PARD3B: variants seen among roughly 807,000 people sequenced by gnomAD.
The protein encoded by PARD3B is partitioning defective 3 homolog B.
Under a neutral mutation model 130.2 loss-of-function variants are expected in PARD3B, and 103 were observed. The observed-to-expected ratio is 0.79, with a 90% CI of 0.67 to 0.93. The LOEUF is 0.93. Among genes scored for constraint, PARD3B ranks in the 40% least tolerant of loss-of-function variants. The pLI is 0.00. For synonymous variants in PARD3B, 583 were observed against 553.2 expected, an observed-to-expected ratio of 1.05 and a Z score of -0.76; for missense variants, 1,609 against 1,499.2, an observed-to-expected ratio of 1.07 and a Z score of -1.21.
intron 7 of PARD3B, among the ~76,000 whole-genome samples, chr2:205,119,334 G>A (rs1366450870): frequency 1.3e-5 from 2 of 152,002 alleles, no homozygotes; most frequent in Admixed American, 1.3e-4. Context: ...TGGGCTATGG[G>A]TCACTTAAAC....
chr2:204,668,534 G>A (rs17534724), intron 1 of PARD3B, among the ~76,000 whole-genome samples: 5,286 of 152,194 alleles, frequency 0.035, 140 homozygotes, highest in Non-Finnish European at 0.055. Flanking sequence ...AAAAGTTTCC[G>A]AAGATATGTT....
At chr2:204,668,725 A>G (rs999262917) in intron 1 of PARD3B, among the ~76,000 whole-genome samples, 1 of 152,196 alleles carries the variant, frequency 6.6e-6, no homozygotes, top group East Asian at 1.9e-4. Flanking sequence ...GAGTAACACC[A>G]TCTGAAAGAT....
At chr2:205,462,816 C>A (rs142404485) in intron 20 of PARD3B, among the ~76,000 whole-genome samples, 1 of 152,272 alleles carries the variant, frequency 6.6e-6, no homozygotes, top group Non-Finnish European at 1.5e-5. Flanking sequence ...ATTGCAGACT[C>A]TTAGTCTAGT....
In PARD3B at chr2:205,400,997, C is replaced by T; in HGVS notation, c.2631-16C>T. 6.4e-7 allele frequency: 1 copy of T among 1,560,778 alleles called. No individual in the cohort carries two copies. The highest frequency in any genetic ancestry group is 1.7e-4 in the Middle Eastern group (1 of 5,990). On this transcript the variant is annotated splice_polypyrimidine_tract_variant and intron_variant, in intron 18 of 22. Coordinates refer to ENST00000406610, the MANE Select transcript of PARD3B (RefSeq NM_001302769.2). ...TGTGATTATTGTTAACAGCCTTCTCCTTCACGTTTCACTAGATTTGGAAAG... is the reference window on the plus strand; with the variant it reads ...TGTGATTATTGTTAACAGCCTTCTCTTTCACGTTTCACTAGATTTGGAAAG...
At chr2:205,603,942 C>A (rs1006368294) in intron 22 of PARD3B, among the ~76,000 whole-genome samples, 10 of 152,156 alleles carry the variant, frequency 6.6e-5, no homozygotes, top group Non-Finnish European at 1.2e-4. Context: ...TTCACAGTGT[C>A]ATTGGTCTGT....
chr2:205,357,821 A>G (rs1435331944), intron 18 of PARD3B, among the ~76,000 whole-genome samples: 2 of 152,208 alleles, frequency 1.3e-5, no homozygotes, highest in Admixed American at 1.3e-4. Flanking sequence ...GAAAGTACTC[A>G]ATAACATTAA....
rs2042284935 is a variant in PARD3B, at chr2:205,309,034, G to A, written c.2630+7333G>A. 6.6e-6 allele frequency among the ~76,000 whole-genome samples: 1 copy of A among 152,160 alleles called. No homozygotes were observed. ...ACGTTATCAGAATTTAGCACACTAT[G>A]GTACTAAAGCCAAATCACTTTATGC... is the stretch of plus-strand genomic sequence containing the variant. On this transcript the variant is annotated intron_variant, in intron 18 of 22. Transcript: ENST00000406610. This position sits in a 1 kb window ranked among gnomAD's most constrained non-coding sequence, Gnocchi z 4.7.
At chr2:205,157,752 C>G (rs1384736547) in intron 10 of PARD3B, among the ~76,000 whole-genome samples, 1 of 152,106 alleles carries the variant, frequency 6.6e-6, no homozygotes, top group African/African-American at 2.4e-5. Flanking sequence ...AGGAGTATCT[C>G]ATTGTCAGAT....
chr2:204,643,115 C>CAAAAAAAAAAAAAAAAAAAAAAAA (rs71029202), intron 1 of PARD3B, among the ~76,000 whole-genome samples: 16 of 31,804 alleles, frequency 5.0e-4, no homozygotes, highest in South Asian at 2.6e-3. Context: ...CTCTGTCTCA[C>CAAAAAAAAAAAAAAAAAAAAAAAA]AAAAAAAAAA....
At chr2:205,130,858 G>A (rs1207565203) in intron 10 of PARD3B, among the ~76,000 whole-genome samples, 3 of 152,154 alleles carry the variant, frequency 2.0e-5, no homozygotes, top group Non-Finnish European at 4.4e-5. Flanking sequence ...CCTTCACTTA[G>A]GAATATTGCT....
intron 2 of PARD3B, among the ~76,000 whole-genome samples, chr2:204,834,763 G>T (rs867991840): frequency 2.0e-5 from 3 of 152,182 alleles, no homozygotes; most frequent in African/African-American, 7.2e-5. Context: ...TCCTCCCATA[G>T]TTCAGCAGCA....
At chr2:205,329,772 C>T (rs2043049315) in intron 18 of PARD3B, among the ~76,000 whole-genome samples, 1 of 152,120 alleles carries the variant, frequency 6.6e-6, no homozygotes, top group Non-Finnish European at 1.5e-5. Context: ...AGGTGGATCA[C>T]CTGAGGTCAG....
At chr2:205,439,573 A>C (rs2047639974) in intron 19 of PARD3B, among the ~76,000 whole-genome samples, 1 of 152,208 alleles carries the variant, frequency 6.6e-6, no homozygotes, top group South Asian at 2.1e-4. Context: ...AATCCACCTA[A>C]GTATATTTTT....
chr2:205,437,747 A>T (rs958505545), intron 19 of PARD3B, among the ~76,000 whole-genome samples: 2 of 152,194 alleles, frequency 1.3e-5, no homozygotes, highest in African/African-American at 4.8e-5. Context: ...CAATGTTCCC[A>T]TAGAGGAAAA....
intron 1 of PARD3B, among the ~76,000 whole-genome samples, chr2:204,659,635 A>T (rs945489253): frequency 2.6e-5 from 4 of 152,128 alleles, no homozygotes; most frequent in African/African-American, 9.7e-5. Flanking sequence ...TCAGATTTTG[A>T]TGCAGAATTT....
chr2:205,026,935 G>A (rs1430150947), intron 3 of PARD3B, among the ~76,000 whole-genome samples: 1 of 152,036 alleles, frequency 6.6e-6, no homozygotes, highest in Non-Finnish European at 1.5e-5. Context: ...AGTGGACACC[G>A]AGGTTGTTAT....
At chr2:204,638,687 G>A (rs962692461) in intron 1 of PARD3B, among the ~76,000 whole-genome samples, 2 of 152,066 alleles carry the variant, frequency 1.3e-5, no homozygotes, top group African/African-American at 2.4e-5. Context: ...GATTTTGGGG[G>A]GAGGAGGGGG....
At chr2:204,643,683 AG>A (rs1365630304) in intron 1 of PARD3B, among the ~76,000 whole-genome samples, 1 of 152,120 alleles carries the variant, frequency 6.6e-6, no homozygotes, top group African/African-American at 2.4e-5. Flanking sequence ...CCACACTGGA[AG>A]AAGACAATTC....
chr2:205,303,602 CCA>C, intron 18 of PARD3B, among the ~76,000 whole-genome samples: 1 of 152,186 alleles, frequency 6.6e-6, no homozygotes, highest in Non-Finnish European at 1.5e-5. Flanking sequence ...CCTCCTCACC[CCA>C]CCATAGAGAT....
Sources: allele counts gnomAD v4.1 joint callset (sites outside exome capture counted in the v4.1 genomes callset), GRCh38; gene constraint gnomAD v4.1.1; non-coding constraint Gnocchi (gnomAD v3.1); transcripts MANE v1.5; gene names NCBI Gene and HGNC (gene_info 2026-07-23, HGNC 2026-07-21).